Variants in SPTLC1 observed in about 807,000 individuals in gnomAD.
SPTLC1 encodes the protein serine palmitoyltransferase long chain base subunit 1, also known as serine palmitoyltransferase 1.
In SPTLC1, 55 loss-of-function variants were observed where a neutral mutation model predicts 68.9. The observed-to-expected ratio is 0.80, with a 90% confidence interval of 0.64 to 1.00. The LOEUF (loss-of-function observed/expected upper bound fraction) is 1.00, where lower values mean the gene tolerates loss of function less well. SPTLC1 is among the 50% of genes least tolerant of loss of function. The pLI is 0.00. For synonymous variants in SPTLC1, 197 were observed against 201.6 expected, an observed-to-expected ratio of 0.98 and a Z score of 0.19; for missense variants, 449 against 573.1, an observed-to-expected ratio of 0.78 and a Z score of 2.21.
At position 92,103,435 on chromosome 9, in the gene SPTLC1, T is replaced by C. The variant is rs558314759; in HGVS notation, c.260+5305A>G. Among the ~76,000 whole-genome samples, 14 of 152,212 alleles carry C rather than the reference T, an allele frequency of 9.2e-5. No homozygotes were observed. In the South Asian group the frequency reaches 2.9e-3, roughly 32 times the overall value. On this transcript the variant is annotated intron_variant, in intron 3 of 14. Transcript: ENST00000262554. ...CCAGAACTACAGGAAAAAATAAGAA[T>C]AGATGCTGTATCCATGATCATGAGG...
In SPTLC1 at chr9:92,071,188, G is replaced by T. The variant is rs145121632; in HGVS notation, c.428-3090C>A. On this transcript the variant is annotated intron_variant, in intron 5 of 14. Transcript: ENST00000262554. ...GAGGATCACCTGAGGTCAGGAGTTT[G>T]GGACCAGCCTGACCAAAACGGAGAA... 1.2e-3 allele frequency among the ~76,000 whole-genome samples: 177 copies of T among 150,108 alleles called. 1 individual carries two copies. The highest frequency in any genetic ancestry group is 4.1e-3 in the African/African-American group (167 of 40,724).
intron 13 of SPTLC1, among the ~76,000 whole-genome samples, chr9:92,037,854 G>A (rs1169631687): frequency 6.6e-6 from 1 of 152,168 alleles, no homozygotes; most frequent in Non-Finnish European, 1.5e-5. Context: ...AGCCGTCCAG[G>A]AATGTGTGCT....
At chr9:92,044,422 G>T (rs1455740083) in intron 12 of SPTLC1, among the ~76,000 whole-genome samples, 1 of 152,188 alleles carries the variant, frequency 6.6e-6, no homozygotes. Flanking sequence ...GATGAGCTCT[G>T]AAGATGGTCC....
intron 3 of SPTLC1, among the ~76,000 whole-genome samples, chr9:92,085,124 TTCTC>T (rs1240899782): frequency 2.0e-4 from 31 of 151,656 alleles, no homozygotes; most frequent in African/African-American, 7.0e-4. Flanking sequence ...TATTTGATTC[TTCTC>T]TCTTTTTTTC....
intron 8 of SPTLC1, 47 bp from the exon 9 acceptor site, chr9:92,050,114 G>C: frequency 1.7e-6 from 2 of 1,203,920 alleles, no homozygotes; most frequent in Non-Finnish European, 2.5e-6. Flanking sequence ...GCACCATATA[G>C]AACATATTAT....
intron 3 of SPTLC1, 71 bp downstream of exon 3, chr9:92,108,669 T>C: frequency 1.3e-6 from 2 of 1,583,694 alleles, no homozygotes; most frequent in South Asian, 1.1e-5. Flanking sequence ...CTACTACATA[T>C]AAAGCACTAT....
At chr9:92,038,457 G>C (rs1332415263) in intron 12 of SPTLC1, 92 bp from the exon 13 acceptor site, 5 of 869,200 alleles carry the variant, frequency 5.8e-6, no homozygotes, top group Non-Finnish European at 8.0e-6. Flanking sequence ...ACAATGTCAA[G>C]GCACAGTGAA....
chr9:92,104,276 T>C, intron 3 of SPTLC1: 1 of 1,353,784 alleles, frequency 7.4e-7, no homozygotes, highest in Middle Eastern at 2.8e-4. Flanking sequence ...CCTGCTCGTC[T>C]TGTCCGTGAG....
intron 14 of SPTLC1, among the ~76,000 whole-genome samples, chr9:92,033,476 T>A (rs1230921179): frequency 6.6e-6 from 1 of 152,122 alleles, no homozygotes; most frequent in East Asian, 1.9e-4. Context: ...GTGCATGGAG[T>A]CCTGAGGGCA....
intron 5 of SPTLC1, among the ~76,000 whole-genome samples, chr9:92,068,701 G>A (rs1834377454): frequency 6.6e-6 from 1 of 152,180 alleles, no homozygotes; most frequent in Admixed American, 6.5e-5. Context: ...CTGTAAGGAG[G>A]ATGTTGACAT....
chr9:92,099,276 C>T (rs979141850), intron 3 of SPTLC1, among the ~76,000 whole-genome samples: 1 of 152,140 alleles, frequency 6.6e-6, no homozygotes. Context: ...AGGAAGAGTA[C>T]CTTCCCCTAA....
intron 14 of SPTLC1, 27 bp from the exon 15 acceptor site, chr9:92,032,585 T>C: frequency 6.2e-7 from 1 of 1,613,910 alleles, no homozygotes; most frequent in East Asian, 2.2e-5. Flanking sequence ...ACACAAAGAA[T>C]TATCTTTGTG....
chr9:92,058,727 G>T (rs779951995), intron 7 of SPTLC1, among the ~76,000 whole-genome samples: 4 of 152,124 alleles, frequency 2.6e-5, no homozygotes, highest in Admixed American at 2.0e-4. Flanking sequence ...GGGAGAAAGG[G>T]CTTCACTTTG....
At position 92,059,183 on chromosome 9, in the gene SPTLC1, T is replaced by C. The variant is rs1236408812; in HGVS notation, c.686A>G (p.Gln229Arg). The C allele has an allele frequency of 1.2e-6, 2 of 1,613,484 alleles. No individual in the cohort carries two copies. The highest frequency in any genetic ancestry group is 2.7e-5 in the African/African-American group (2 of 74,932). ...RLLKEQEIED[Q>R]KNPRKARVTR... ...TTTTCTTCAAAAGAATCATACCTTT[T>C]GATCTTCGATCTCTTGTTCTTTTAG... Residue 229 changes from glutamine to arginine, a missense_variant, in exon 7 of 15, where the codon CAA becomes CGA. By Grantham distance (43) the Gln-to-Arg change is conservative. Around this residue, in one of 3 missense-constraint regions of SPTLC1, gnomAD observed 391 missense variants for 472.1 expected, o/e 0.83. Transcript: ENST00000262554.
At chr9:92,034,933 GTAAT>G in intron 13 of SPTLC1, 50 bp from the exon 14 acceptor site, 1 of 1,455,314 alleles carries the variant, frequency 6.9e-7, no homozygotes. Context: ...AGACATGGTG[GTAAT>G]TAAACTGGGG....
intron 12 of SPTLC1, among the ~76,000 whole-genome samples, chr9:92,043,446 C>T (rs979868557): frequency 1.3e-5 from 2 of 152,210 alleles, no homozygotes; most frequent in African/African-American, 4.8e-5. Context: ...CTCTGCACTC[C>T]ATGTCTGATG....
intron 3 of SPTLC1, among the ~76,000 whole-genome samples, chr9:92,087,780 T>C (rs1356677934): frequency 2.6e-5 from 4 of 152,210 alleles, no homozygotes; most frequent in African/African-American, 4.8e-5. Flanking sequence ...TCAAAGCTGT[T>C]AGACAGGGAC....
chr9:92,083,721 T>C (rs534150460), intron 3 of SPTLC1, among the ~76,000 whole-genome samples: 2,033 of 152,084 alleles, frequency 0.013, 40 homozygotes, highest in African/African-American at 0.047. Context: ...CTTGGCGATG[T>C]GGGCTCTTTT....
At chr9:92,043,645 C>T (rs2118415576) in intron 12 of SPTLC1, among the ~76,000 whole-genome samples, 1 of 152,330 alleles carries the variant, frequency 6.6e-6, no homozygotes, top group South Asian at 2.1e-4. Context: ...GCTCTCCCTT[C>T]AGAAGATACC....
Sources: gnomAD v4.1 joint callset for allele counts (sites outside exome capture counted in the v4.1 genomes callset) on GRCh38, gnomAD v4.1.1 for gene constraint, gnomAD v4.1.1 regional missense constraint, MANE v1.5 for transcripts, NCBI Gene and HGNC (gene_info 2026-07-23, HGNC 2026-07-21) for gene names.